The following ARID1B variants were observed in gnomAD, a reference collection of about 807,000 sequenced individuals.
ARID1B encodes AT-rich interaction domain 1B.
In ARID1B, 30 loss-of-function variants were observed where a neutral mutation model predicts 212.3. That is an observed-to-expected ratio of 0.14 (90% CI 0.11 to 0.19). ARID1B has a LOEUF of 0.19. ARID1B is among the 10% of genes least tolerant of loss of function. The pLI is 1.00. For missense variants in ARID1B, 2,891 were observed against 3,204.0 expected, an observed-to-expected ratio of 0.90 and a Z score of 2.36; for synonymous variants, 1,402 against 1,301.7, an observed-to-expected ratio of 1.08 and a Z score of -1.66.
intron 6 of ARID1B, among the ~76,000 whole-genome samples, chr6:157,124,390 A>G (rs778054004): frequency 5.3e-5 from 8 of 152,272 alleles, no homozygotes; most frequent in African/African-American, 9.6e-5. Context: ...CAATAGCAGT[A>G]TGCTAACTGC....
rs953205092 is a variant in ARID1B at position 157,200,243 on chromosome 6, G to A, written c.4480-462G>A. Among the ~76,000 whole-genome samples, 3 of 152,134 alleles carry A rather than the reference G, an allele frequency of 2.0e-5. No individual in the cohort carries two copies. Among genetic ancestry groups the A allele is most frequent in the East Asian group, 1.9e-4 (1 of 5,186 alleles). ...GTGACACGGGCCAGTCTGGGGAGCC[G>A]AGTCCTGTTCGGGGGCTTTTCTGTA... is the stretch of plus-strand genomic sequence containing the variant. On this transcript the variant is annotated intron_variant, in intron 17 of 19. Coordinates refer to ENST00000636930, the MANE Select transcript of ARID1B (RefSeq NM_001374828.1). The surrounding 1 kb of genome is among the most constrained non-coding windows in gnomAD (Gnocchi z 4.3).
intron 4 of ARID1B, chr6:156,941,145 G>C (rs1470995969): frequency 2.6e-5 from 4 of 152,158 alleles, no homozygotes; most frequent in Admixed American, 6.5e-5. Flanking sequence ...GATGATGCCT[G>C]TGTGTTGCTG....
chr6:157,083,845 A>C lies in ARID1B; in HGVS notation c.2248-817A>C, dbSNP rs144174907. 4.9e-3 allele frequency among the ~76,000 whole-genome samples: 741 copies of C among 152,310 alleles called. 10 individuals carry two copies. The highest frequency in any genetic ancestry group is 0.017 in the African/African-American group (699 of 41,574). On this transcript the variant is annotated intron_variant, in intron 4 of 19. Transcript: ENST00000636930. ...CTTTTAATGGCACTTTATTGTAAGA[A>C]TTTCTCGGCCAGGCACAGTGGCTCA...
intron 4 of ARID1B, among the ~76,000 whole-genome samples, chr6:156,959,934 T>C (rs116134177): frequency 0.044 from 6,525 of 148,318 alleles, 178 homozygotes; most frequent in Middle Eastern, 0.079. Flanking sequence ...TCTTTTTTTT[T>C]TTTTTTTTTT....
chr6:157,039,523 G>A (rs1781583308), intron 4 of ARID1B, among the ~76,000 whole-genome samples: 1 of 151,436 alleles, frequency 6.6e-6, no homozygotes, highest in African/African-American at 2.4e-5. Flanking sequence ...GTAGAGACGG[G>A]GTTTCACCTT....
intron 1 of ARID1B, among the ~76,000 whole-genome samples, chr6:156,803,962 G>C (rs555218519): frequency 6.6e-6 from 1 of 152,128 alleles, no homozygotes; most frequent in Non-Finnish European, 1.5e-5. Flanking sequence ...TGTGAAATAA[G>C]TGTTCATTAA....
chr6:157,054,791 A>C (rs1294848829), intron 4 of ARID1B, among the ~76,000 whole-genome samples: 1 of 152,222 alleles, frequency 6.6e-6, no homozygotes, highest in Non-Finnish European at 1.5e-5. Context: ...TGCAATCATT[A>C]TACATTTTAT....
chr6:156,918,757 C>T (rs1023666876), intron 3 of ARID1B, among the ~76,000 whole-genome samples: 1 of 152,030 alleles, frequency 6.6e-6, no homozygotes, highest in African/African-American at 2.4e-5. Flanking sequence ...GTGTTGGGGC[C>T]GGTTTTGGGA....
At chr6:156,790,838 A>G (rs952334782) in intron 1 of ARID1B, among the ~76,000 whole-genome samples, 1 of 152,204 alleles carries the variant, frequency 6.6e-6, no homozygotes, top group Non-Finnish European at 1.5e-5. Flanking sequence ...CCACTCTGAT[A>G]TTGGTCGGAG....
At chr6:156,894,298 A>ATGGGGGCCGGGGGGGTGGGGG (rs1788208456) in intron 2 of ARID1B, among the ~76,000 whole-genome samples, 22 of 18,608 alleles carry the variant, frequency 1.2e-3, no homozygotes, top group South Asian at 3.8e-3. Flanking sequence ...GGGGGTTGGG[A>ATGGGGGCCGGGGGGGTGGGGG]TGGGGGCCGG....
At chr6:156,945,191 A>C (rs575657036) in intron 4 of ARID1B, among the ~76,000 whole-genome samples, 4 of 102,260 alleles carry the variant, frequency 3.9e-5, no homozygotes, top group Non-Finnish European at 7.3e-5. Flanking sequence ...CGCCTCTGCC[A>C]CCCAAAGTAC....
intron 2 of ARID1B, among the ~76,000 whole-genome samples, chr6:156,893,709 A>G (rs139037279): frequency 3.3e-5 from 5 of 152,212 alleles, no homozygotes; most frequent in Admixed American, 2.6e-4. Context: ...GAGAAATGCA[A>G]ATTTCACAAT....
chr6:156,891,874 G>GTTTTT (rs555568271), intron 2 of ARID1B, among the ~76,000 whole-genome samples: 1 of 132,576 alleles, frequency 7.5e-6, no homozygotes, highest in Non-Finnish European at 1.6e-5. Context: ...TTTCTTTTCT[G>GTTTTT]TTTTTTTTTT....
chr6:156,886,435 T>C (rs1787507137), intron 2 of ARID1B, among the ~76,000 whole-genome samples: 1 of 152,178 alleles, frequency 6.6e-6, no homozygotes, highest in African/African-American at 2.4e-5. Context: ...ATTCAGCTTC[T>C]TTTCCCACCC....
At chr6:156,924,628 T>A (rs1252888406) in intron 3 of ARID1B, among the ~76,000 whole-genome samples, 1 of 152,192 alleles carries the variant, frequency 6.6e-6, no homozygotes, top group Non-Finnish European at 1.5e-5. Context: ...CCCTTTAATA[T>A]TTTTGAACCA....
intron 5 of ARID1B, among the ~76,000 whole-genome samples, chr6:157,092,410 T>C (rs1280068113): frequency 3.3e-5 from 5 of 152,184 alleles, no homozygotes; most frequent in Non-Finnish European, 7.3e-5. Flanking sequence ...TCAGCGCTGT[T>C]TCTAGAGGAC....
Position 156,901,437 on chromosome 6 carries a change from A to G in ARID1B, c.2048A>G (p.Tyr683Cys). The G allele has an allele frequency of 6.2e-7, 1 of 1,614,128 alleles. No homozygotes were observed. The highest frequency in any genetic ancestry group is 8.5e-7 in the Non-Finnish European group (1 of 1,180,032). ...SGYCQQGQQP[Y>C]YSQQPQPPHL... ...TACTGCCAGCAGGGCCAACAGCCATATTACAGCCAGCAGCCGCAGCCCCCG... is the reference window on the plus strand; with the variant it reads ...TACTGCCAGCAGGGCCAACAGCCATGTTACAGCCAGCAGCCGCAGCCCCCG... The change falls in exon 3 of 20, where the codon TAT (tyrosine) becomes TGT (cysteine). Residue 683 changes from tyrosine to cysteine, a missense_variant. Tyr to Cys is a radical substitution (Grantham distance 194). This residue lies in a region of ARID1B where 1,643 missense variants were observed against 1,544.0 expected (regional missense o/e 1.06). Coordinates refer to ENST00000636930, the MANE Select transcript of ARID1B (RefSeq NM_001374828.1).
chr6:157,161,614 GT>G (rs1790952825), intron 8 of ARID1B, among the ~76,000 whole-genome samples: 1 of 152,074 alleles, frequency 6.6e-6, no homozygotes, highest in Non-Finnish European at 1.5e-5. Context: ...TGTGAGAAGA[GT>G]TTGTGTTTAT....
chr6:157,060,200 A>G (rs1186656513), intron 4 of ARID1B, among the ~76,000 whole-genome samples: 1 of 152,232 alleles, frequency 6.6e-6, no homozygotes, highest in African/African-American at 2.4e-5. Flanking sequence ...CCATCAGTCG[A>G]TAAAAACAGT....
Sources: allele counts gnomAD v4.1 joint callset (sites outside exome capture counted in the v4.1 genomes callset), GRCh38; gene constraint gnomAD v4.1.1; regional missense constraint gnomAD v4.1.1; non-coding constraint Gnocchi (gnomAD v3.1); transcripts MANE v1.5; gene names NCBI Gene and HGNC (gene_info 2026-07-23, HGNC 2026-07-21).